The following INVS variants were observed in gnomAD, a reference collection of about 807,000 sequenced individuals.
INVS encodes inversin, also known as inversion of embryo turning homolog.
INVS carries 86 observed loss-of-function variants against 108.8 expected under a neutral mutation model. That is an observed-to-expected ratio of 0.79 (90% CI 0.66 to 0.95). INVS has a LOEUF of 0.95. Among genes scored for constraint, INVS ranks in the 40% least tolerant of loss-of-function variants. INVS has a pLI of 0.00. For synonymous variants in INVS, 455 were observed against 473.5 expected, an observed-to-expected ratio of 0.96 and a Z score of 0.51; for missense variants, 1,169 against 1,297.4, an observed-to-expected ratio of 0.90 and a Z score of 1.52.
intron 10 of INVS, among the ~76,000 whole-genome samples, chr9:100,258,990 G>A (rs545327687): frequency 2.2e-4 from 33 of 150,876 alleles, no homozygotes; most frequent in South Asian, 4.4e-4. Flanking sequence ...GCTGCCTTTT[G>A]TTCAGCTATG....
At chr9:100,124,808 A>T (rs1827834984) in intron 2 of INVS, among the ~76,000 whole-genome samples, 1 of 152,178 alleles carries the variant, frequency 6.6e-6, no homozygotes, top group African/African-American at 2.4e-5. Flanking sequence ...TTGTTTCATA[A>T]TTTTGGATTA....
chr9:100,147,649 G>GT (rs1305043850), intron 3 of INVS, among the ~76,000 whole-genome samples: 2 of 151,934 alleles, frequency 1.3e-5, no homozygotes, highest in South Asian at 2.1e-4. Context: ...TATATAGAAG[G>GT]TTTTTTATGG....
At chr9:100,157,506 T>A (rs991036759) in intron 3 of INVS, among the ~76,000 whole-genome samples, 1 of 152,004 alleles carries the variant, frequency 6.6e-6, no homozygotes, top group South Asian at 2.1e-4. Flanking sequence ...GGCCTCGTGA[T>A]CCGCCCGCCT....
Position 100,127,956 on chromosome 9 carries a change from G to A in INVS, c.273+1407G>A, listed in dbSNP as rs189364703. On this transcript the variant is annotated intron_variant, in intron 3 of 16. Transcript: ENST00000262457. ...CAAATAGTTCAGATTGGGAAAAGCC[G>A]CAAAATTAAGACTTTGATACCCTTT... 8.5e-5 allele frequency among the ~76,000 whole-genome samples: 13 copies of A among 152,166 alleles called. No homozygotes were observed. In the East Asian group the frequency reaches 1.2e-3, roughly 14 times the overall value.
chr9:100,285,234 A>G lies in INVS; in HGVS notation c.2068+631A>G, dbSNP rs902832956. On this transcript the variant is annotated intron_variant, in intron 13 of 16. Transcript: ENST00000262457. Reference sequence around the variant, plus strand: ...CAGTTCTTTTCTTTTAGCACTTGAAAAATATTGTGCCATTTCCTTTTGGCT... The same window carrying G: ...CAGTTCTTTTCTTTTAGCACTTGAAGAATATTGTGCCATTTCCTTTTGGCT... Among the ~76,000 whole-genome samples, 3 of 152,316 alleles carry G rather than the reference A, an allele frequency of 2.0e-5. No individual in the cohort carries two copies. The East Asian group carries it at 5.8e-4, about 29-fold the overall frequency.
intron 12 of INVS, among the ~76,000 whole-genome samples, chr9:100,279,604 T>C (rs1833217421): frequency 6.6e-6 from 1 of 152,198 alleles, no homozygotes; most frequent in South Asian, 2.1e-4. Flanking sequence ...AAGTTACAAA[T>C]ATTGATTGGT....
intron 11 of INVS, among the ~76,000 whole-genome samples, chr9:100,266,908 G>C (rs981532199): frequency 6.7e-6 from 1 of 149,722 alleles, no homozygotes; most frequent in African/African-American, 2.5e-5. Context: ...ACTTCTCTAC[G>C]TCCATCTCAG....
At chr9:100,279,744 C>T (rs1833221032) in intron 12 of INVS, among the ~76,000 whole-genome samples, 1 of 152,170 alleles carries the variant, frequency 6.6e-6, no homozygotes, top group Non-Finnish European at 1.5e-5. Context: ...TCTCTCAGAC[C>T]TCACTAGGTG....
chr9:100,170,731 A>G (rs1302666778), intron 3 of INVS, among the ~76,000 whole-genome samples: 2 of 152,116 alleles, frequency 1.3e-5, no homozygotes, highest in Non-Finnish European at 2.9e-5. Flanking sequence ...TTAGATGAGA[A>G]TATTTTGTTG....
intron 1 of INVS, among the ~76,000 whole-genome samples, chr9:100,102,364 G>A (rs1170203780): frequency 2.0e-5 from 3 of 152,136 alleles, no homozygotes; most frequent in African/African-American, 7.2e-5. Flanking sequence ...CAAGCTCCAT[G>A]AGACTACCGG....
intron 3 of INVS, among the ~76,000 whole-genome samples, chr9:100,180,757 G>A (rs1030989466): frequency 1.3e-5 from 2 of 152,006 alleles, no homozygotes; most frequent in Admixed American, 6.6e-5. Flanking sequence ...GAAAAAGAGG[G>A]ACTCCTCCCT....
intron 7 of INVS, among the ~76,000 whole-genome samples, 186 bp downstream of exon 7, chr9:100,242,865 T>C (rs1831924116): frequency 6.6e-6 from 1 of 152,204 alleles, no homozygotes; most frequent in Non-Finnish European, 1.5e-5. Flanking sequence ...CTACACCTAA[T>C]TCACTCTAAT....
At chr9:100,284,033 G>A (rs899896666) in intron 12 of INVS, among the ~76,000 whole-genome samples, 5 of 152,146 alleles carry the variant, frequency 3.3e-5, no homozygotes, top group Non-Finnish European at 5.9e-5. Flanking sequence ...ACCGTTGGGA[G>A]TGTGTTATGT....
intron 16 of INVS, 47 bp downstream of exon 16, chr9:100,298,057 G>A: frequency 3.1e-6 from 5 of 1,613,830 alleles, no homozygotes; most frequent in East Asian, 2.2e-5. Context: ...ACATGGGGAA[G>A]CATTTTCCTT....
chr9:100,294,575 G>C (rs1005957480), intron 14 of INVS, among the ~76,000 whole-genome samples: 4 of 152,168 alleles, frequency 2.6e-5, no homozygotes, highest in African/African-American at 7.2e-5. Flanking sequence ...TCAGACGAGA[G>C]GAAAAACTGA....
chr9:100,100,629 A>T (rs1459065162), intron 1 of INVS, among the ~76,000 whole-genome samples: 1 of 72,790 alleles, frequency 1.4e-5, no homozygotes, highest in African/African-American at 7.5e-5. Flanking sequence ...TGTATATATA[A>T]TATATATATT....
chr9:100,178,436 G>A (rs1266234869), intron 3 of INVS, among the ~76,000 whole-genome samples: 3 of 152,132 alleles, frequency 2.0e-5, no homozygotes, highest in African/African-American at 7.2e-5. Context: ...GTTTAGAGAA[G>A]AACATAAATA....
At chr9:100,132,125 A>T (rs940236618) in intron 3 of INVS, among the ~76,000 whole-genome samples, 1 of 152,168 alleles carries the variant, frequency 6.6e-6, no homozygotes, top group African/African-American at 2.4e-5. Flanking sequence ...ACGCCCAGTA[A>T]AGCTATTTGA....
chr9:100,292,594 G>C lies in INVS; in HGVS notation c.2337G>C (p.Arg779=), dbSNP rs779298889. Residue 779 remains arginine, a synonymous_variant, in exon 14 of 17, where the codon CGG becomes CGC. Coordinates refer to ENST00000262457, the MANE Select transcript of INVS (RefSeq NM_014425.5). ...ATAGCCACTGGAAGCCCAGCAGGCG[G>C]CATGACACAGAACCCAAGGCCAAAT... is the stretch of plus-strand genomic sequence containing the variant. ...PHDSHWKPSR[R]HDTEPKAKCA... 40 of 1,614,086 alleles carry C rather than the reference G, an allele frequency of 2.5e-5. No homozygotes were observed. Among genetic ancestry groups the C allele is most frequent in the Non-Finnish European group, 3.4e-5 (40 of 1,180,050 alleles).
Sources: allele counts gnomAD v4.1 joint callset (sites outside exome capture counted in the v4.1 genomes callset), GRCh38; gene constraint gnomAD v4.1.1; transcripts MANE v1.5; gene names NCBI Gene and HGNC (gene_info 2026-07-23, HGNC 2026-07-21).